The following SP4 variants were observed in gnomAD, a reference collection of about 807,000 sequenced individuals.
SP4 encodes Sp4 transcription factor.
SP4 carries 19 observed loss-of-function variants against 72.8 expected under a neutral mutation model. The ratio of observed to expected loss-of-function variants is 0.26; its 90% CI spans 0.18 to 0.38. The LOEUF (loss-of-function observed/expected upper bound fraction) is 0.38, where lower values mean the gene tolerates loss of function less well. SP4 is among the 10% of genes least tolerant of loss of function. The pLI, the probability that SP4 is intolerant of heterozygous loss-of-function variation, is 1.00. For missense variants in SP4, 1,008 were observed against 926.3 expected (o/e 1.09, Z -1.14); for synonymous variants, 395 against 333.1 (o/e 1.19, Z -2.02).
At chr7:21,465,708 A>G (rs1784146478) in intron 3 of SP4, among the ~76,000 whole-genome samples, 1 of 152,150 alleles carries the variant, frequency 6.6e-6, no homozygotes, top group Non-Finnish European at 1.5e-5. Flanking sequence ...CCTTGTCACA[A>G]TAAAAAATTT....
chr7:21,492,908 A>G (rs1785017256), intron 5 of SP4, among the ~76,000 whole-genome samples: 1 of 152,186 alleles, frequency 6.6e-6, no homozygotes, highest in African/African-American at 2.4e-5. Flanking sequence ...ACAAATTTGA[A>G]ATAAGAATCA....
rs1367807341 is a variant in SP4, at chr7:21,428,130, A to G, written c.-122A>G. On this transcript the variant is annotated 5_prime_UTR_variant, in exon 1 of 6. Coordinates refer to ENST00000222584, the MANE Select transcript of SP4 (RefSeq NM_003112.5). ...CGGAAAAAGAGGCAGAGCCTGTGCC[A>G]GCTACAGCCTCCTCCGAGCCACCGC... 2 of 714,934 alleles carry G rather than the reference A, an allele frequency of 2.8e-6. No individual in the cohort carries two copies. The highest frequency in any genetic ancestry group is 2.7e-5 in the East Asian group (1 of 37,182). 44.3% of individuals were successfully genotyped at this position (714,934 alleles called of 1,614,324 possible).
chr7:21,487,872 G>T (rs1000738741), intron 5 of SP4, among the ~76,000 whole-genome samples: 22 of 151,726 alleles, frequency 1.4e-4, no homozygotes, highest in Middle Eastern at 3.4e-3. Context: ...TTTTGTTTTG[G>T]TTTTTTTGAG....
At chr7:21,464,581 ATT>A (rs11299447) in intron 3 of SP4, among the ~76,000 whole-genome samples, 198 of 142,322 alleles carry the variant, frequency 1.4e-3, no homozygotes, top group Middle Eastern at 3.6e-3. Context: ...TCTATTTTCT[ATT>A]TTTTTTTTTT....
In SP4 at chr7:21,476,245, G is replaced by A. The variant is rs185429917; in HGVS notation, c.1679-834G>A. Among the ~76,000 whole-genome samples, 429 of 128,188 alleles carry A rather than the reference G, an allele frequency of 3.3e-3. 1 individual carries two copies. Among genetic ancestry groups the A allele is most frequent in the African/African-American group, 0.012 (395 of 33,332 alleles). The allele number at this position is 128,188 out of a possible 152,430, so 84.1% of individuals were successfully genotyped here. On this transcript the variant is annotated intron_variant, in intron 3 of 5. Transcript: ENST00000222584. ...GCCGAGATCGTGCTACTGCACTCCA[G>A]CCTGGGCGACAGAGCAAGACTCCAT...
In SP4 at chr7:21,429,796, G is replaced by T; in HGVS notation, c.631G>T (p.Ala211Ser). 6.2e-7 allele frequency: 1 copy of T among 1,614,214 alleles called. No homozygotes were observed. The highest frequency in any genetic ancestry group is 1.1e-5 in the South Asian group (1 of 91,086). Residue 211 changes from alanine (A) to serine (S), a missense_variant, in exon 3 of 6, where the codon GCT becomes TCT. Physicochemically the swap from Ala to Ser is moderately conservative, Grantham distance 99 (BLOSUM62 1). This residue lies in a region of SP4 where 893 missense variants were observed against 743.3 expected (regional missense o/e 1.20). Transcript: ENST00000222584. ...TAATAATCAAGCTATACTCACAGCT[G>T]CTAACAGGACAGCTTCTGGGAATAT... ...AGNNQAILTAANRTASGNILA... is the reference protein window; with the variant it reads ...AGNNQAILTASNRTASGNILA...
intron 3 of SP4, among the ~76,000 whole-genome samples, chr7:21,446,725 A>G (rs1179039109): frequency 2.0e-5 from 3 of 152,218 alleles, no homozygotes; most frequent in Non-Finnish European, 4.4e-5. Flanking sequence ...CAGGAAAAAT[A>G]CTATTTACTA....
At chr7:21,437,822 A>G (rs1783097841) in intron 3 of SP4, among the ~76,000 whole-genome samples, 1 of 152,218 alleles carries the variant, frequency 6.6e-6, no homozygotes, top group Non-Finnish European at 1.5e-5. Context: ...CTTCTGCAAT[A>G]TTGTGCGCAG....
chr7:21,511,300 T>C lies in SP4; in HGVS notation c.*31T>C, dbSNP rs1458055399. The C allele has an allele frequency of 1.3e-6, 2 of 1,599,542 alleles. No individual in the cohort carries two copies. Among genetic ancestry groups the C allele is most frequent in the Non-Finnish European group, 1.7e-6 (2 of 1,171,396 alleles). On this transcript the variant is annotated 3_prime_UTR_variant, in exon 6 of 6. Transcript: ENST00000222584. ...TATTTATAACAGAGACCTCTAGTGC[T>C]GCACTTGTTTACACACCTTTGAAAA...
intron 3 of SP4, among the ~76,000 whole-genome samples, chr7:21,451,134 A>G (rs747830422): frequency 6.6e-6 from 1 of 152,176 alleles, no homozygotes; most frequent in Non-Finnish European, 1.5e-5. Context: ...AGTTTTATGC[A>G]TGCTCTCTTG....
In SP4 at chr7:21,513,379, G is replaced by T. The variant is rs1286847839; in HGVS notation, c.*2110G>T. The stretch of plus-strand genomic sequence containing the variant: ...CTTGTAACAGAGTCTTTAAATTTAA[G>T]TTGGATTTTGTAAATTGTTTTGTAT... On this transcript the variant is annotated 3_prime_UTR_variant, in exon 6 of 6. Coordinates refer to ENST00000222584, the MANE Select transcript of SP4 (RefSeq NM_003112.5). 1 of 152,548 alleles carries T rather than the reference G, an allele frequency of 6.6e-6. No individual in the cohort carries two copies. The highest frequency in any genetic ancestry group is 1.9e-4 in the East Asian group (1 of 5,194). 9.4% of individuals were successfully genotyped at this position (152,548 alleles called of 1,614,324 possible). A position where few individuals can be genotyped will look rare whatever the true frequency, so the allele number is the denominator to read the frequency against.
intron 3 of SP4, among the ~76,000 whole-genome samples, chr7:21,452,029 A>T (rs1483818013): frequency 6.6e-6 from 1 of 152,190 alleles, no homozygotes; most frequent in African/African-American, 2.4e-5. Flanking sequence ...ATTTCTTCTG[A>T]GCTGTAGCCA....
chr7:21,494,999 G>A (rs1785071649), intron 5 of SP4, among the ~76,000 whole-genome samples: 2 of 152,136 alleles, frequency 1.3e-5, no homozygotes, highest in South Asian at 4.1e-4. Flanking sequence ...AGAAAAAGTA[G>A]CGTTTTCAAT....
intron 5 of SP4, among the ~76,000 whole-genome samples, chr7:21,486,005 A>C (rs573788188): frequency 6.6e-6 from 1 of 151,974 alleles, no homozygotes; most frequent in Non-Finnish European, 1.5e-5. Flanking sequence ...CTTCCTAACG[A>C]AAAGCTTGGG....
chr7:21,429,493 C>G lies in SP4; in HGVS notation c.328C>G (p.Pro110Ala), dbSNP rs184027793. The G allele has an allele frequency of 6.2e-7, 1 of 1,614,188 alleles. No homozygotes were observed. Among genetic ancestry groups the G allele is most frequent in the South Asian group, 1.1e-5 (1 of 91,080 alleles). ...TTGGCAACTTGTTGCCTCCACTCCTCCTGCTTCAAAAGAGAATAACGTTTC... is the reference window on the plus strand; with the variant it reads ...TTGGCAACTTGTTGCCTCCACTCCTGCTGCTTCAAAAGAGAATAACGTTTC... ...NAWQLVASTP[P>A]ASKENNVSQP... Residue 110 changes from proline to alanine, a missense_variant, in exon 3 of 6, where the codon CCT (proline) becomes GCT (alanine). Pro to Ala is a conservative substitution (Grantham distance 27). This residue lies in a region of SP4 where 893 missense variants were observed against 743.3 expected (regional missense o/e 1.20). Coordinates refer to ENST00000222584, the MANE Select transcript of SP4 (RefSeq NM_003112.5).
chr7:21,458,554 C>T (rs1172148426), intron 3 of SP4, among the ~76,000 whole-genome samples: 1 of 152,154 alleles, frequency 6.6e-6, no homozygotes, highest in African/African-American at 2.4e-5. Flanking sequence ...GAAACCTTTT[C>T]TTTGCCTGTG....
At chr7:21,433,904 T>C (rs1782957078) in intron 3 of SP4, among the ~76,000 whole-genome samples, 1 of 151,690 alleles carries the variant, frequency 6.6e-6, no homozygotes, top group South Asian at 2.1e-4. Context: ...GATCGCGCCA[T>C]TGCACTTCAG....
At chr7:21,482,479 GTT>G in intron 5 of SP4, 1 of 184,062 alleles carries the variant, frequency 5.4e-6, no homozygotes, top group Non-Finnish European at 9.9e-6. Context: ...GTGTGTTTTA[GTT>G]TTTTTTTTTC....
At chr7:21,435,367 A>G (rs1459317467) in intron 3 of SP4, among the ~76,000 whole-genome samples, 1 of 152,208 alleles carries the variant, frequency 6.6e-6, no homozygotes, top group Non-Finnish European at 1.5e-5. Context: ...CAGAAATGGG[A>G]GGACCAATTC....
Sources: allele counts gnomAD v4.1 joint callset (sites outside exome capture counted in the v4.1 genomes callset), GRCh38; gene constraint gnomAD v4.1.1; regional missense constraint gnomAD v4.1.1; transcripts MANE v1.5; gene names NCBI Gene and HGNC (gene_info 2026-07-23, HGNC 2026-07-21).